The following STAU2 variants were observed in gnomAD, a reference collection of about 807,000 sequenced individuals.
The protein encoded by STAU2 is staufen double-stranded RNA binding protein 2.
STAU2 carries 20 observed loss-of-function variants against 65.9 expected under a neutral mutation model. That is an observed-to-expected ratio of 0.30 (90% CI 0.21 to 0.44). The LOEUF (loss-of-function observed/expected upper bound fraction) is 0.44. Ranked by LOEUF, STAU2 falls within the 20% of genes least tolerant of loss-of-function variation. STAU2 has a pLI of 1.00. For synonymous variants in STAU2, 232 were observed against 233.9 expected, an observed-to-expected ratio of 0.99 and a Z score of 0.07; for missense variants, 558 against 683.9, an observed-to-expected ratio of 0.82 and a Z score of 2.05.
intron 13 of STAU2, among the ~76,000 whole-genome samples, chr8:73,496,195 G>GGT (rs376253685): frequency 2.0e-5 from 3 of 150,620 alleles, no homozygotes; most frequent in African/African-American, 4.9e-5. Context: ...TTATTCTCTC[G>GGT]GTGTGTGTGT....
rs142845657 is a variant in STAU2 at position 73,541,923 on chromosome 8, G to A, written c.1530+10089C>T. On this transcript the variant is annotated intron_variant, in intron 13 of 14. Coordinates refer to ENST00000524300, the MANE Select transcript of STAU2 (RefSeq NM_001164380.2). The stretch of plus-strand genomic sequence containing the variant: ...CCAAAAGACTAAAGAAAAATAAATA[G>A]AGCCTCTGAAGCCTGTGGGAGAATA... Among the ~76,000 whole-genome samples the A allele has an allele frequency of 3.9e-3, 600 of 152,136 alleles. 4 individuals are homozygous for A. Among genetic ancestry groups the A allele is most frequent in the African/African-American group, 0.014 (578 of 41,508 alleles).
Position 73,567,905 on chromosome 8 carries a change from G to A in STAU2, c.1222+14865C>T, listed in dbSNP as rs369785170. Among the ~76,000 whole-genome samples, 32 of 151,862 alleles carry A rather than the reference G, an allele frequency of 2.1e-4. No homozygotes were observed. In the South Asian group the frequency reaches 5.0e-3, roughly 24 times the overall value. The stretch of plus-strand genomic sequence containing the variant: ...TGGTGTTTATCTTAAATATGGACTC[G>A]TCTTTCAATAAGCAATTTCATCTTT... On this transcript the variant is annotated intron_variant, in intron 12 of 14. Coordinates refer to ENST00000524300, the MANE Select transcript of STAU2 (RefSeq NM_001164380.2).
intron 11 of STAU2, among the ~76,000 whole-genome samples, chr8:73,586,646 CAAAAAA>C (rs56687221): frequency 8.0e-5 from 5 of 62,740 alleles, no homozygotes; most frequent in African/African-American, 1.4e-4. Context: ...AAAAAAAATG[CAAAAAA>C]AAAAAAAAAA....
chr8:73,519,979 T>C (rs1312526518), intron 13 of STAU2, among the ~76,000 whole-genome samples: 3 of 152,198 alleles, frequency 2.0e-5, no homozygotes, highest in Non-Finnish European at 4.4e-5. Context: ...GGAAGGCCTA[T>C]TGACTGGAGT....
At chr8:73,600,467 C>T (rs1811554012) in intron 10 of STAU2, among the ~76,000 whole-genome samples, 1 of 152,178 alleles carries the variant, frequency 6.6e-6, no homozygotes, top group South Asian at 2.1e-4. Flanking sequence ...CAGATGAATA[C>T]ACACCACCTG....
At chr8:73,674,339 A>T (rs1376390580) in intron 5 of STAU2, among the ~76,000 whole-genome samples, 1 of 152,118 alleles carries the variant, frequency 6.6e-6, no homozygotes, top group East Asian at 1.9e-4. Context: ...GAATTATTTC[A>T]AAAGACTTAA....
chr8:73,459,102 T>G (rs1344084034), intron 13 of STAU2, among the ~76,000 whole-genome samples: 2 of 152,244 alleles, frequency 1.3e-5, no homozygotes, highest in Non-Finnish European at 2.9e-5. Flanking sequence ...AAAAAGAACT[T>G]TCCTATATTC....
intron 2 of STAU2, among the ~76,000 whole-genome samples, chr8:73,739,550 T>C (rs1479371421): frequency 2.0e-5 from 3 of 152,204 alleles, no homozygotes. Flanking sequence ...TTGGCTACCA[T>C]TTTTTCAAGA....
intron 13 of STAU2, among the ~76,000 whole-genome samples, chr8:73,457,061 T>C (rs1420540951): frequency 6.6e-6 from 1 of 152,244 alleles, no homozygotes; most frequent in Non-Finnish European, 1.5e-5. Context: ...TCAGGACATA[T>C]TATATCCATA....
intron 12 of STAU2, among the ~76,000 whole-genome samples, chr8:73,574,212 T>G (rs577719758): frequency 4.6e-5 from 7 of 152,266 alleles, no homozygotes; most frequent in Admixed American, 3.9e-4. Flanking sequence ...TGAGATACCA[T>G]CTCATACCAG....
chr8:73,680,885 G>A (rs1292950127), intron 5 of STAU2, among the ~76,000 whole-genome samples: 2 of 151,640 alleles, frequency 1.3e-5, no homozygotes, highest in Non-Finnish European at 2.9e-5. Context: ...CAAAGACAAG[G>A]CCTAATCAAA....
chr8:73,573,704 G>C (rs1034973601), intron 12 of STAU2, among the ~76,000 whole-genome samples: 1 of 152,208 alleles, frequency 6.6e-6, no homozygotes, highest in African/African-American at 2.4e-5. Flanking sequence ...GCCATATGTA[G>C]AAAGCTGAAA....
chr8:73,546,434 T>C (rs914636685), intron 13 of STAU2, among the ~76,000 whole-genome samples: 2 of 152,158 alleles, frequency 1.3e-5, no homozygotes, highest in African/African-American at 4.8e-5. Context: ...CATTATACAA[T>C]AGCTTTCTTC....
intron 13 of STAU2, among the ~76,000 whole-genome samples, chr8:73,486,148 T>C (rs1220401596): frequency 6.6e-6 from 1 of 152,130 alleles, no homozygotes; most frequent in Non-Finnish European, 1.5e-5. Context: ...ATCCTTCCTC[T>C]TATTGATTGT....
At chr8:73,675,631 C>A (rs931213111) in intron 5 of STAU2, 2 of 152,092 alleles carry the variant, frequency 1.3e-5, no homozygotes, top group Admixed American at 6.6e-5. Flanking sequence ...TGAGGAAACA[C>A]CAGACAAACT....
chr8:73,623,101 T>G (rs534912098), intron 6 of STAU2, among the ~76,000 whole-genome samples: 1 of 152,248 alleles, frequency 6.6e-6, no homozygotes, highest in Non-Finnish European at 1.5e-5. Flanking sequence ...TAATACTTGA[T>G]ATTCCTTACA....
chr8:73,563,962 G>A lies in STAU2; in HGVS notation c.1223-11643C>T, dbSNP rs532498878. ...AATTCCAGAATCCAGTTAAGAAGTT[G>A]CAGTATCCCAGATGAGCACAAAGCC... On this transcript the variant is annotated intron_variant, in intron 12 of 14. Coordinates refer to ENST00000524300, the MANE Select transcript of STAU2 (RefSeq NM_001164380.2). 1.8e-4 allele frequency among the ~76,000 whole-genome samples: 27 copies of A among 152,270 alleles called. No homozygotes were observed. The South Asian group carries it at 3.7e-3, about 21-fold the overall frequency.
At chr8:73,597,374 C>T (rs1224733201) in intron 10 of STAU2, among the ~76,000 whole-genome samples, 1 of 151,598 alleles carries the variant, frequency 6.6e-6, no homozygotes, top group South Asian at 2.1e-4. Flanking sequence ...TTACTGAGGC[C>T]GGGTGGAGTA....
At chr8:73,702,026 A>C (rs918945301) in intron 4 of STAU2, among the ~76,000 whole-genome samples, 12 of 152,162 alleles carry the variant, frequency 7.9e-5, no homozygotes, top group Non-Finnish European at 1.3e-4. Context: ...CTAAAAATCA[A>C]AACAATTGAA....
Sources: gnomAD v4.1 joint callset for allele counts (sites outside exome capture counted in the v4.1 genomes callset) on GRCh38, gnomAD v4.1.1 for gene constraint, MANE v1.5 for transcripts, NCBI Gene and HGNC (gene_info 2026-07-23, HGNC 2026-07-21) for gene names.